The following RAP1GDS1 variants were observed in gnomAD, a reference collection of about 807,000 sequenced individuals.
RAP1GDS1 encodes RAP1, GTP-GDP dissociation stimulator 1.
A neutral mutation model predicts 71.1 loss-of-function variants in RAP1GDS1; 35 were observed. The observed-to-expected ratio is 0.49, with a 90% CI of 0.38 to 0.65. RAP1GDS1 has a LOEUF of 0.65. Ranked by LOEUF, RAP1GDS1 falls within the 30% of genes least tolerant of loss-of-function variation. RAP1GDS1 has a pLI of 0.00. For missense variants in RAP1GDS1, 663 were observed against 706.1 expected, an observed-to-expected ratio of 0.94 and a Z score of 0.69; for synonymous variants, 229 against 243.1, an observed-to-expected ratio of 0.94 and a Z score of 0.54.
intron 4 of RAP1GDS1, among the ~76,000 whole-genome samples, chr4:98,365,946 T>C (rs1739426462): frequency 1.3e-5 from 2 of 152,196 alleles, no homozygotes; most frequent in African/African-American, 4.8e-5. Context: ...CAGAGAAACC[T>C]TAACGTAAAC....
intron 5 of RAP1GDS1, among the ~76,000 whole-genome samples, chr4:98,385,786 G>A (rs957493720): frequency 1.5e-4 from 23 of 151,814 alleles, no homozygotes; most frequent in African/African-American, 5.6e-4. Flanking sequence ...TTACAATAAT[G>A]CCCCATGGTA....
chr4:98,262,493 C>T (rs1348227128), intron 1 of RAP1GDS1, among the ~76,000 whole-genome samples: 1 of 152,172 alleles, frequency 6.6e-6, no homozygotes, highest in Non-Finnish European at 1.5e-5. Flanking sequence ...TATTGCTTAA[C>T]TGTTACATTC....
intron 1 of RAP1GDS1, among the ~76,000 whole-genome samples, chr4:98,283,084 T>C (rs1725413476): frequency 6.6e-6 from 1 of 152,170 alleles, no homozygotes; most frequent in Non-Finnish European, 1.5e-5. Flanking sequence ...TGACAAGAAA[T>C]TCATCAGATT....
intron 6 of RAP1GDS1, among the ~76,000 whole-genome samples, chr4:98,401,292 G>T (rs1401921176): frequency 6.6e-6 from 1 of 152,016 alleles, no homozygotes; most frequent in African/African-American, 2.4e-5. Context: ...AGCAAATGAG[G>T]AAAACATTAT....
chr4:98,424,692 C>T (rs757305349), intron 12 of RAP1GDS1, among the ~76,000 whole-genome samples: 2 of 148,624 alleles, frequency 1.3e-5, no homozygotes, highest in Non-Finnish European at 1.5e-5. Flanking sequence ...ACCTGGGAAG[C>T]GGAGGTTGCA....
At position 98,261,406 on chromosome 4, in the gene RAP1GDS1, C is replaced by T; in HGVS notation, c.-160C>T. The T allele has an allele frequency of 3.0e-6, 1 of 337,006 alleles. No homozygotes were observed. Among genetic ancestry groups the T allele is most frequent in the Non-Finnish European group, 4.7e-6 (1 of 214,406 alleles). 20.9% of individuals were successfully genotyped at this position (337,006 alleles called of 1,614,324 possible). A position where few individuals can be genotyped will look rare whatever the true frequency, so the allele number is the denominator to read the frequency against. ...GCCGCTCGTCCCCGCCGCGGCCGCG[C>T]CGCCTGCAGCAGCACCAGCTGCTCC... is the stretch of plus-strand genomic sequence containing the variant. On this transcript the variant is annotated 5_prime_UTR_variant, in exon 1 of 15. Transcript: ENST00000408927.
intron 2 of RAP1GDS1, among the ~76,000 whole-genome samples, chr4:98,310,707 G>A (rs1462718095): frequency 6.6e-6 from 1 of 151,960 alleles, no homozygotes; most frequent in African/African-American, 2.4e-5. Context: ...AGTTCTAGAT[G>A]TATGCCATCC....
chr4:98,293,107 G>A (rs1466663585), intron 1 of RAP1GDS1, among the ~76,000 whole-genome samples: 2 of 152,068 alleles, frequency 1.3e-5, no homozygotes, highest in Admixed American at 1.3e-4. Flanking sequence ...AGCCATAGAT[G>A]CTTTCCTGAA....
In RAP1GDS1 at chr4:98,418,693, T is replaced by C; in HGVS notation, c.1076T>C (p.Val359Ala). 1 of 1,611,270 alleles carries C rather than the reference T, an allele frequency of 6.2e-7. No individual in the cohort carries two copies. Among genetic ancestry groups the C allele is most frequent in the Non-Finnish European group, 8.5e-7 (1 of 1,178,898 alleles). Residue 359 changes from valine (V) to alanine (A), a missense_variant, in exon 10 of 15, where the codon GTA (valine) becomes GCA (alanine). Transcript: ENST00000408927. ...ATTCATATGGTAGACAATGGGATTG[T>C]AGAAAAACTTATGGATTTACTGGAC... ...NCIHMVDNGI[V>A]EKLMDLLDRH... is the part of the protein sequence containing the mutation.
intron 3 of RAP1GDS1, among the ~76,000 whole-genome samples, chr4:98,345,043 G>C (rs1736022648): frequency 6.6e-6 from 1 of 152,068 alleles, no homozygotes; most frequent in South Asian, 2.1e-4. Flanking sequence ...ATGTTGCCCA[G>C]GCTTGTCTCG....
At chr4:98,440,307 C>T (rs1751706806) in intron 14 of RAP1GDS1, among the ~76,000 whole-genome samples, 1 of 152,134 alleles carries the variant, frequency 6.6e-6, no homozygotes, top group South Asian at 2.1e-4. Flanking sequence ...ATGCAAATAT[C>T]TCTGAGCCTC....
intron 7 of RAP1GDS1, chr4:98,409,704 G>T: frequency 2.3e-6 from 1 of 443,764 alleles, no homozygotes; most frequent in South Asian, 1.9e-5. Context: ...CGCACTTTGT[G>T]AGAACAAACG....
At chr4:98,434,927 A>G (rs1750942028) in intron 13 of RAP1GDS1, among the ~76,000 whole-genome samples, 1 of 152,114 alleles carries the variant, frequency 6.6e-6, no homozygotes, top group Non-Finnish European at 1.5e-5. Flanking sequence ...CGGCCCTAAT[A>G]TAGCATTTCT....
At chr4:98,433,174 A>G (rs1178674652) in intron 12 of RAP1GDS1, among the ~76,000 whole-genome samples, 1 of 152,114 alleles carries the variant, frequency 6.6e-6, no homozygotes, top group African/African-American at 2.4e-5. Context: ...TTTGCATGTA[A>G]TTCAGTTTTC....
At chr4:98,314,004 G>A (rs1730617215) in intron 2 of RAP1GDS1, among the ~76,000 whole-genome samples, 1 of 152,170 alleles carries the variant, frequency 6.6e-6, no homozygotes, top group South Asian at 2.1e-4. Context: ...AATGTTCTGT[G>A]AGGTGAGTCC....
At chr4:98,429,267 A>G (rs1305024086) in intron 12 of RAP1GDS1, among the ~76,000 whole-genome samples, 1 of 151,798 alleles carries the variant, frequency 6.6e-6, no homozygotes, top group Non-Finnish European at 1.5e-5. Flanking sequence ...AAAAAAAAAA[A>G]AAAAAAGAAA....
At chr4:98,393,320 C>G (rs904181567) in intron 6 of RAP1GDS1, among the ~76,000 whole-genome samples, 2 of 151,950 alleles carry the variant, frequency 1.3e-5, no homozygotes, top group African/African-American at 4.8e-5. Context: ...GGGTCATATC[C>G]CAGTATTTGT....
intron 1 of RAP1GDS1, 78 bp downstream of exon 1, chr4:98,261,647 C>T: frequency 6.6e-7 from 1 of 1,508,918 alleles, no homozygotes; most frequent in South Asian, 1.2e-5. Context: ...AAGCATTTCT[C>T]GCGCAAAGTT....
intron 5 of RAP1GDS1, 40 bp from the exon 6 acceptor site, chr4:98,391,912 C>CACTT (rs752554203): frequency 6.5e-7 from 1 of 1,532,662 alleles, no homozygotes; most frequent in East Asian, 2.3e-5. Context: ...GACATGTCAA[C>CACTT]ACTTTCTTTT....
Sources: allele counts gnomAD v4.1 joint callset (sites outside exome capture counted in the v4.1 genomes callset), GRCh38; gene constraint gnomAD v4.1.1; transcripts MANE v1.5; gene names NCBI Gene and HGNC (gene_info 2026-07-23, HGNC 2026-07-21).